Variants in ZPLD1 observed in about 807,000 individuals in gnomAD.
The protein encoded by ZPLD1 is zona pellucida like domain containing 1.
A neutral mutation model predicts 47.2 loss-of-function variants in ZPLD1; 34 were observed. The observed-to-expected ratio is 0.72, with a 90% CI of 0.55 to 0.96. The LOEUF is 0.96. ZPLD1 is among the 40% of genes least tolerant of loss of function. ZPLD1 has a pLI of 0.00. For synonymous variants in ZPLD1, 176 were observed against 186.2 expected (o/e 0.95, Z 0.45); for missense variants, 512 against 505.8 (o/e 1.01, Z -0.12).
intron 8 of ZPLD1, among the ~76,000 whole-genome samples, chr3:102,421,239 C>A (rs1238582793): frequency 1.3e-5 from 2 of 151,840 alleles, no homozygotes; most frequent in African/African-American, 4.8e-5. Flanking sequence ...AACACACCAT[C>A]ATTACATGAC....
chr3:102,414,218 A>G (rs1400431026), intron 7 of ZPLD1, among the ~76,000 whole-genome samples: 1 of 151,840 alleles, frequency 6.6e-6, no homozygotes, highest in Non-Finnish European at 1.5e-5. Flanking sequence ...ACAATTCTAT[A>G]ATGTGTATTG....
chr3:102,393,646 A>AC (rs1359036592), intron 7 of ZPLD1, among the ~76,000 whole-genome samples: 13 of 144,260 alleles, frequency 9.0e-5, no homozygotes, highest in Middle Eastern at 3.5e-3. Context: ...TGCTTTGTAG[A>AC]TTAAAAAAAA....
chr3:102,447,389 T>C (rs1210171067), intron 3 of ZPLD1, among the ~76,000 whole-genome samples: 1 of 152,162 alleles, frequency 6.6e-6, no homozygotes, highest in African/African-American at 2.4e-5. Flanking sequence ...TTTTACACTA[T>C]ACACTGACCT....
chr3:102,405,290 A>G (rs557047305), intron 7 of ZPLD1, among the ~76,000 whole-genome samples: 16 of 152,116 alleles, frequency 1.1e-4, no homozygotes, highest in African/African-American at 3.9e-4. Context: ...CCCAACACCC[A>G]CAAGATTCCA....
Position 102,456,304 on chromosome 3 carries a change from C to A in ZPLD1, c.439C>A (p.Pro147Thr), listed in dbSNP as rs1482214099. The A allele has an allele frequency of 6.2e-7, 1 of 1,613,816 alleles. No homozygotes were observed. ...PDPPTIISYL[P>T]GLLYKFSCSY... ...CCCACCAACAATCATCAGCTATCTA[C>A]CTGGGCTTCTTTACAAATTTAGTTG... The change falls in exon 5 of 12, where the codon CCT (proline) becomes ACT (threonine). Residue 147 changes from proline (P) to threonine (T), a missense_variant. By Grantham distance (38) the Pro-to-Thr change is conservative (BLOSUM62 -1). Transcript: ENST00000466937.
chr3:102,423,634 A>T (rs371844849), intron 8 of ZPLD1, among the ~76,000 whole-genome samples: 16 of 152,204 alleles, frequency 1.1e-4, no homozygotes, highest in African/African-American at 3.6e-4. Flanking sequence ...GCATACACTA[A>T]CTTTCAAAGA....
At chr3:102,405,868 C>T (rs1706675151) in intron 7 of ZPLD1, among the ~76,000 whole-genome samples, 1 of 151,906 alleles carries the variant, frequency 6.6e-6, no homozygotes, top group South Asian at 2.1e-4. Context: ...GATCTTTCGC[C>T]CGTTTGGGCC....
At chr3:102,468,446 G>A (rs1034341820) in intron 8 of ZPLD1, among the ~76,000 whole-genome samples, 4 of 152,132 alleles carry the variant, frequency 2.6e-5, no homozygotes, top group Admixed American at 6.5e-5. Context: ...ATACTATACA[G>A]CTGTGGAAAA....
chr3:102,408,570 C>T (rs72942848), intron 7 of ZPLD1, among the ~76,000 whole-genome samples: 1,804 of 151,948 alleles, frequency 0.012, 41 homozygotes, highest in African/African-American at 0.041. Flanking sequence ...GAAAAATTAT[C>T]AGCAGACCAT....
At chr3:102,402,440 T>G (rs1191890231) in intron 7 of ZPLD1, among the ~76,000 whole-genome samples, 1 of 152,060 alleles carries the variant, frequency 6.6e-6, no homozygotes, top group Non-Finnish European at 1.5e-5. Flanking sequence ...AGTATTGATA[T>G]ATCAGTAATT....
At chr3:102,477,191 T>C in intron 11 of ZPLD1, 150 bp downstream of exon 11, 2 of 985,960 alleles carry the variant, frequency 2.0e-6, no homozygotes, top group South Asian at 1.6e-5. Context: ...TCATATGTGA[T>C]CTATTGGTCA....
At position 102,477,742 on chromosome 3, in the gene ZPLD1, CA is replaced by C; in HGVS notation, c.*125del. 2.2e-6 allele frequency: 2 copies of C among 912,672 alleles called. No individual in the cohort carries two copies. The highest frequency in any genetic ancestry group is 3.2e-6 in the Non-Finnish European group (2 of 625,720). 56.5% of individuals were successfully genotyped at this position (912,672 alleles called of 1,614,324 possible). A position where few individuals can be genotyped will look rare whatever the true frequency, so the allele number is the denominator to read the frequency against. ...ATATTTGTAGGTTTGATAAATTTCACAGTATAGCTTGTCAGCATAATGATAG... is the reference window on the plus strand; with the variant it reads ...ATATTTGTAGGTTTGATAAATTTCACGTATAGCTTGTCAGCATAATGATAG... On this transcript the variant is annotated 3_prime_UTR_variant, in exon 12 of 12. Transcript: ENST00000466937.
chr3:102,400,232 G>C (rs1464120028), intron 7 of ZPLD1, among the ~76,000 whole-genome samples: 1 of 152,088 alleles, frequency 6.6e-6, no homozygotes. Flanking sequence ...TGCAAGCATA[G>C]AGCTTAGAAA....
In ZPLD1 at chr3:102,393,243, G is replaced by A. The variant is rs558117518; in HGVS notation, c.-157+1018G>A. Among the ~76,000 whole-genome samples the A allele has an allele frequency of 3.0e-4, 45 of 152,192 alleles. 1 individual carries two copies. Among genetic ancestry groups the A allele is most frequent in the African/African-American group, 1.1e-3 (44 of 41,526 alleles). On this transcript the variant is annotated intron_variant, in intron 7 of 17. Coordinates refer to the ZPLD1 transcript ENST00000491959. ...AATTGGTTAAATTTTAAGACACCAC[G>A]TCAAAGCCAACTACCGGCCCAGAAG...
chr3:102,426,518 C>CAAAA (rs34182101), intron 8 of ZPLD1, among the ~76,000 whole-genome samples: 23 of 107,720 alleles, frequency 2.1e-4, no homozygotes, highest in African/African-American at 6.9e-4. Context: ...AACTCCATCT[C>CAAAA]AAAAAAAAAA....
At chr3:102,416,290 A>G (rs1576133419) in intron 7 of ZPLD1, among the ~76,000 whole-genome samples, 1 of 152,070 alleles carries the variant, frequency 6.6e-6, no homozygotes, top group East Asian at 1.9e-4. Flanking sequence ...CTGTCTTTTT[A>G]GCTAACCAAC....
intron 8 of ZPLD1, among the ~76,000 whole-genome samples, chr3:102,425,007 G>A (rs1268044764): frequency 6.8e-6 from 1 of 146,854 alleles, no homozygotes; most frequent in Admixed American, 6.7e-5. Context: ...TTTTTTTTTT[G>A]TTGTTGTTCC....
chr3:102,388,394 G>A (rs1179026676), intron 6 of ZPLD1, among the ~76,000 whole-genome samples: 6 of 147,960 alleles, frequency 4.1e-5, no homozygotes, highest in African/African-American at 1.5e-4. Context: ...TTTTTAAAAC[G>A]TATTAAGCTA....
intron 7 of ZPLD1, among the ~76,000 whole-genome samples, chr3:102,407,422 T>C: frequency 1.0e-5 from 1 of 98,306 alleles, no homozygotes; most frequent in African/African-American, 4.7e-5. Flanking sequence ...TATATATATA[T>C]ATATATATAT....
Sources: allele counts gnomAD v4.1 joint callset (sites outside exome capture counted in the v4.1 genomes callset), GRCh38; gene constraint gnomAD v4.1.1; transcripts MANE v1.5; gene names NCBI Gene and HGNC (gene_info 2026-07-23, HGNC 2026-07-21).